Variants in EYA1 observed in about 807,000 individuals in gnomAD.
EYA1 encodes protein phosphatase EYA1.
A neutral mutation model predicts 82.0 loss-of-function variants in EYA1; 16 were observed. The ratio of observed to expected loss-of-function variants is 0.20; its 90% CI spans 0.13 to 0.30. EYA1 has a LOEUF of 0.30. Ranked by LOEUF, EYA1 falls within the 10% of genes least tolerant of loss-of-function variation. The pLI, the probability that EYA1 is intolerant of heterozygous loss-of-function variation, is 1.00. For synonymous variants in EYA1, 261 were observed against 264.4 expected, an observed-to-expected ratio of 0.99 and a Z score of 0.12; for missense variants, 633 against 730.7, an observed-to-expected ratio of 0.87 and a Z score of 1.54.
intron 7 of EYA1, among the ~76,000 whole-genome samples, chr8:71,313,402 G>A (rs1460284781): frequency 6.6e-6 from 1 of 152,024 alleles, no homozygotes. Context: ...TGTGTGTTGT[G>A]GGGGGAAGAG....
intron 12 of EYA1, among the ~76,000 whole-genome samples, chr8:71,243,033 C>T (rs372095883): frequency 3.3e-5 from 5 of 152,152 alleles, no homozygotes; most frequent in African/African-American, 1.2e-4. Context: ...CTGCCTCTGC[C>T]TCCCAAAGCG....
chr8:71,272,559 T>C (rs1217427308), intron 9 of EYA1, among the ~76,000 whole-genome samples: 1 of 152,056 alleles, frequency 6.6e-6, no homozygotes, highest in African/African-American at 2.4e-5. Context: ...AAATTACTCA[T>C]CTGGGTAACT....
intron 2 of EYA1, among the ~76,000 whole-genome samples, chr8:71,399,061 A>T (rs557959488): frequency 6.6e-6 from 1 of 152,336 alleles, no homozygotes; most frequent in African/African-American, 2.4e-5. Flanking sequence ...GTTAGCAGTA[A>T]GTGAGGCTCT....
chr8:71,509,740 C>A (rs1437924451), intron 2 of EYA1, among the ~76,000 whole-genome samples: 2 of 151,942 alleles, frequency 1.3e-5, no homozygotes, highest in Non-Finnish European at 2.9e-5. Flanking sequence ...ATAAAGAATG[C>A]CATTTTTATT....
chr8:71,430,542 C>A (rs1355000685), intron 2 of EYA1, among the ~76,000 whole-genome samples: 1 of 152,194 alleles, frequency 6.6e-6, no homozygotes, highest in Non-Finnish European at 1.5e-5. Flanking sequence ...ATGAATTGAT[C>A]ATCTTCAGGA....
chr8:71,293,464 G>T (rs1436115976), intron 9 of EYA1, among the ~76,000 whole-genome samples: 1 of 152,092 alleles, frequency 6.6e-6, no homozygotes. Flanking sequence ...ATACTGAAAT[G>T]AGATAAAGGC....
At chr8:71,349,994 C>A (rs1826144239) in intron 3 of EYA1, among the ~76,000 whole-genome samples, 1 of 152,196 alleles carries the variant, frequency 6.6e-6, no homozygotes, top group East Asian at 1.9e-4. Flanking sequence ...TTTGTTCATT[C>A]TTTTATGGCT....
chr8:71,377,442 C>T lies in EYA1; in HGVS notation c.34-20931G>A, dbSNP rs145148103. 3.6e-3 allele frequency among the ~76,000 whole-genome samples: 555 copies of T among 152,204 alleles called. 4 individuals carry two copies. The highest frequency in any genetic ancestry group is 0.013 in the African/African-American group (525 of 41,530). ...AATAAAATGGTGGGGTGTAATGTAG[C>T]GGTACCTAATAAAAATATCCATCAT... On this transcript the variant is annotated intron_variant, in intron 2 of 18. Coordinates refer to the EYA1 transcript ENST00000643681.
chr8:71,309,592 T>A (rs935089052), intron 7 of EYA1, among the ~76,000 whole-genome samples: 1 of 152,232 alleles, frequency 6.6e-6, no homozygotes, highest in Non-Finnish European at 1.5e-5. Context: ...TAAAAATACC[T>A]TTTCTATAGA....
chr8:71,299,645 G>A lies in EYA1; in HGVS notation c.632C>T (p.Ser211Leu), dbSNP rs757772659. 6.4e-7 allele frequency: 1 copy of A among 1,563,668 alleles called. No homozygotes were observed. Residue 211 changes from serine to leucine, a missense_variant, in exon 8 of 18, where the codon TCA becomes TTA. Transcript: ENST00000340726. ...SLTNSSGFNSSQQDYPSYPSF... is the reference protein window; with the variant it reads ...SLTNSSGFNSLQQDYPSYPSF... ...ACTGGCTTTTTAAATTACCTGCTGT[G>A]AACTATTAAATCCAGAGGAATTTGT...
chr8:71,274,919 A>AAT (rs1217382881), intron 9 of EYA1, among the ~76,000 whole-genome samples: 10 of 102,230 alleles, frequency 9.8e-5, no homozygotes, highest in South Asian at 6.0e-4. Flanking sequence ...AGCGAGAGAG[A>AAT]GAGAATGAGA....
chr8:71,495,141 T>G (rs1202673557), intron 2 of EYA1, among the ~76,000 whole-genome samples: 1 of 151,980 alleles, frequency 6.6e-6, no homozygotes. Context: ...ATTAAAGAGA[T>G]AAATAGTGAT....
rs151211122 is a variant in EYA1 at position 71,249,528 on chromosome 8, C to T, written c.1051-4836G>A. Among the ~76,000 whole-genome samples the T allele has an allele frequency of 3.5e-4, 54 of 152,212 alleles. No homozygotes were observed. The East Asian group carries it at 6.6e-3, about 19-fold the overall frequency. On this transcript the variant is annotated intron_variant, in intron 11 of 17. Coordinates refer to ENST00000340726, the MANE Select transcript of EYA1 (RefSeq NM_000503.6). ...GAGAACATCATGGAGGTAACCATCCCCATGATTCAATTATCTCCCACTGGG... is the reference window on the plus strand; with the variant it reads ...GAGAACATCATGGAGGTAACCATCCTCATGATTCAATTATCTCCCACTGGG...
intron 1 of EYA1, among the ~76,000 whole-genome samples, chr8:71,543,041 A>G (rs1014223544): frequency 3.9e-5 from 6 of 152,192 alleles, no homozygotes; most frequent in African/African-American, 1.2e-4. Context: ...TTTGCTGTGC[A>G]GAAGCTCTCT....
chr8:71,532,021 T>C (rs1814319969), intron 2 of EYA1, among the ~76,000 whole-genome samples: 2 of 152,212 alleles, frequency 1.3e-5, no homozygotes. Context: ...CCTCTGCCCA[T>C]GGTCTTTCAT....
At chr8:71,374,089 G>A (rs1239240493) in intron 2 of EYA1, among the ~76,000 whole-genome samples, 3 of 151,810 alleles carry the variant, frequency 2.0e-5, no homozygotes, top group South Asian at 2.1e-4. Flanking sequence ...TGATTTTTTT[G>A]GAACGGACAA....
chr8:71,547,656 C>T (rs1249392476), intron 1 of EYA1: 1 of 151,756 alleles, frequency 6.6e-6, no homozygotes, highest in Non-Finnish European at 1.5e-5. Context: ...CCAGGGGCAT[C>T]AGCAGCCGCG....
chr8:71,394,833 T>G (rs1359720499), intron 2 of EYA1, among the ~76,000 whole-genome samples: 1 of 152,170 alleles, frequency 6.6e-6, no homozygotes, highest in African/African-American at 2.4e-5. Flanking sequence ...GTGAAGAAAG[T>G]CATTGGTAGC....
At position 71,478,531 on chromosome 8, in the gene EYA1, C is replaced by T. The variant is rs139143768; in HGVS notation, c.33+57213G>A. On this transcript the variant is annotated intron_variant, in intron 2 of 18. Coordinates refer to the EYA1 transcript ENST00000643681. ...CTACCCCAAAAATCATGGGAGTAAA[C>T]GAAATGAGCTTCATAAGGATTAAAG... 7.9e-5 allele frequency among the ~76,000 whole-genome samples: 12 copies of T among 152,238 alleles called. No individual in the cohort carries two copies. In the East Asian group the frequency reaches 1.4e-3, roughly 17 times the overall value.
Sources: gnomAD v4.1 joint callset for allele counts (sites outside exome capture counted in the v4.1 genomes callset) on GRCh38, gnomAD v4.1.1 for gene constraint, MANE v1.5 for transcripts, NCBI Gene and HGNC (gene_info 2026-07-23, HGNC 2026-07-21) for gene names.